Variants in TRNP1 observed in about 807,000 individuals in gnomAD.
TRNP1 encodes TMF-regulated nuclear protein 1.
A neutral mutation model predicts 12.2 loss-of-function variants in TRNP1; 16 were observed. The observed-to-expected ratio is 1.31, with a 90% confidence interval of 0.89 to 1.99. The LOEUF (loss-of-function observed/expected upper bound fraction) is 1.99. TRNP1 is among the 30% of genes most tolerant of loss of function. The pLI, the probability that TRNP1 is intolerant of heterozygous loss-of-function variation, is 0.00. For synonymous variants in TRNP1, 139 were observed against 166.2 expected, an observed-to-expected ratio of 0.84 and a Z score of 1.26; for missense variants, 338 against 330.4, an observed-to-expected ratio of 1.02 and a Z score of -0.18.
rs563859463 is a variant in TRNP1, at chr1:26,999,316, G to A, written c.*143-531G>A. 2.6e-5 allele frequency among the ~76,000 whole-genome samples: 4 copies of A among 152,322 alleles called. No individual in the cohort carries two copies. The East Asian group carries it at 5.8e-4, about 22-fold the overall frequency. On this transcript the variant is annotated intron_variant, in intron 1 of 1. Coordinates refer to ENST00000522111, the MANE Select transcript of TRNP1 (RefSeq NM_001013642.3). ...GGAGAATCGCTTGAACCTGGGAGGC[G>A]GAGGTTGCGGTGAGCCGAAATCGCG... is the stretch of plus-strand genomic sequence containing the variant.
Position 26,997,319 on chromosome 1 carries a change from A to G in TRNP1, c.*143-2528A>G, listed in dbSNP as rs545741451. On this transcript the variant is annotated intron_variant, in intron 1 of 1. Transcript: ENST00000522111. ...CAACAGAGCAAGACTGTGTCTCAAG[A>G]AAAAAAAAAAAAAAAAAAAAAGCTC... Among the ~76,000 whole-genome samples, 62 of 42,792 alleles carry G rather than the reference A, an allele frequency of 1.4e-3. 1 individual carries two copies. In the South Asian group the frequency reaches 0.15, roughly 105 times the overall value. The allele number at this position is 42,792 out of a possible 152,430, so 28.1% of individuals were successfully genotyped here. A position where few individuals can be genotyped will look rare whatever the true frequency, so the allele number is the denominator to read the frequency against.
rs1331917864 is a variant in TRNP1 at position 26,993,777 on chromosome 1, G to C, written c.-10G>C. ...ACCTACAGCCGCAGACCGCCGGTGG[G>C]GGGCGGGGGATGCCGGGCTGCCGCA... On this transcript the variant is annotated 5_prime_UTR_variant, in exon 1 of 2. Coordinates refer to ENST00000522111, the MANE Select transcript of TRNP1 (RefSeq NM_001013642.3). 4.6e-6 allele frequency: 6 copies of C among 1,313,430 alleles called. No homozygotes were observed. The East Asian group carries it at 1.5e-4, about 34-fold the overall frequency. 81.4% of individuals were successfully genotyped at this position (1,313,430 alleles called of 1,614,324 possible). A position where few individuals can be genotyped will look rare whatever the true frequency, so the allele number is the denominator to read the frequency against.
chr1:26,998,647 C>T (rs575690794), intron 1 of TRNP1, among the ~76,000 whole-genome samples: 46 of 152,310 alleles, frequency 3.0e-4, no homozygotes, highest in Non-Finnish European at 5.9e-4. Flanking sequence ...TCCTTGACTG[C>T]ACCCTGGCCA....
chr1:26,998,237 G>A (rs1258684190), intron 1 of TRNP1, among the ~76,000 whole-genome samples: 1 of 152,044 alleles, frequency 6.6e-6, no homozygotes, highest in East Asian at 1.9e-4. Flanking sequence ...AAAGGGGGGA[G>A]CAAAGGAAGC....
Position 26,993,810 on chromosome 1 carries a change from C to T in TRNP1, c.24C>T (p.Ala8=). 2 of 1,322,914 alleles carry T rather than the reference C, an allele frequency of 1.5e-6. No homozygotes were observed. Among genetic ancestry groups the T allele is most frequent in the Non-Finnish European group, 1.9e-6 (2 of 1,039,336 alleles). 81.9% of individuals were successfully genotyped at this position (1,322,914 alleles called of 1,614,324 possible). A position where few individuals can be genotyped will look rare whatever the true frequency, so the allele number is the denominator to read the frequency against. Residue 8 remains alanine (A), a synonymous_variant, in exon 1 of 2, where the codon GCC becomes GCT. Coordinates refer to ENST00000522111, the MANE Select transcript of TRNP1 (RefSeq NM_001013642.3). ...GGATGCCGGGCTGCCGCATCAGCGCCTGCGGCCCGGGGGCCCAGGAGGGGA... is the reference window on the plus strand; with the variant it reads ...GGATGCCGGGCTGCCGCATCAGCGCTTGCGGCCCGGGGGCCCAGGAGGGGA... MPGCRIS[A]CGPGAQEGTA...
At position 26,993,857 on chromosome 1, in the gene TRNP1, C is replaced by T. The variant is rs546570137; in HGVS notation, c.71C>T (p.Pro24Leu). Reference sequence around the variant, plus strand: ...GGGACGGCAGAGCAGAGGTCGCCGCCGCCGCCCTGGGATCCCATGCCGTCC... The same window carrying T: ...GGGACGGCAGAGCAGAGGTCGCCGCTGCCGCCCTGGGATCCCATGCCGTCC... Reference protein sequence around the residue: ...QEGTAEQRSPPPPWDPMPSSQ... With the variant: ...QEGTAEQRSPLPPWDPMPSSQ... The change falls in exon 1 of 2, where the codon CCG becomes CTG. Residue 24 changes from proline (P) to leucine (L), a missense_variant. Coordinates refer to ENST00000522111, the MANE Select transcript of TRNP1 (RefSeq NM_001013642.3). 1.5e-6 allele frequency: 2 copies of T among 1,357,814 alleles called. No homozygotes were observed. Among genetic ancestry groups the T allele is most frequent in the African/African-American group, 1.5e-5 (1 of 65,362 alleles). 84.1% of individuals were successfully genotyped at this position (1,357,814 alleles called of 1,614,324 possible). A position where few individuals can be genotyped will look rare whatever the true frequency, so the allele number is the denominator to read the frequency against.
rs999314195 is a variant in TRNP1, at chr1:26,993,890, C to T, written c.104C>T (p.Pro35Leu). The T allele has an allele frequency of 3.9e-5, 54 of 1,374,768 alleles. No individual in the cohort carries two copies. The highest frequency in any genetic ancestry group is 4.7e-4 in the Middle Eastern group (2 of 4,262). The allele number at this position is 1,374,768 out of a possible 1,614,324, so 85.2% of individuals were successfully genotyped here. A position where few individuals can be genotyped will look rare whatever the true frequency, so the allele number is the denominator to read the frequency against. The change falls in exon 1 of 2, where the codon CCC becomes CTC. Residue 35 changes from proline to leucine, a missense_variant. By Grantham distance (98) the Pro-to-Leu change is moderately conservative (BLOSUM62 -3). Transcript: ENST00000522111. ...TGGGATCCCATGCCGTCCTCTCAGC[C>T]CCCGCCCCCAACTCCGACCTTGACT... is the stretch of plus-strand genomic sequence containing the variant. ...PPWDPMPSSQPPPPTPTLTPT... is the reference protein window; with the variant it reads ...PPWDPMPSSQLPPPTPTLTPT...
At position 26,994,591 on chromosome 1, in the gene TRNP1, G is replaced by C; in HGVS notation, c.*121G>C. On this transcript the variant is annotated 3_prime_UTR_variant, in exon 1 of 2. Coordinates refer to ENST00000522111, the MANE Select transcript of TRNP1 (RefSeq NM_001013642.3). The surrounding 1 kb of genome is among the most constrained non-coding windows in gnomAD (Gnocchi z 6.9). ...GCAGGAAGAGGCAGTTGGGGGCCAG[G>C]GGCCCAGTAGAGGAGGCTGAGGTGC... 1.3e-6 allele frequency: 1 copy of C among 758,274 alleles called. No individual in the cohort carries two copies. Among genetic ancestry groups the C allele is most frequent in the Non-Finnish European group, 1.6e-6 (1 of 609,234 alleles). 47.0% of individuals were successfully genotyped at this position (758,274 alleles called of 1,614,324 possible). A position where few individuals can be genotyped will look rare whatever the true frequency, so the allele number is the denominator to read the frequency against.
chr1:26,996,410 G>C (rs2082545634), intron 1 of TRNP1, among the ~76,000 whole-genome samples: 1 of 152,200 alleles, frequency 6.6e-6, no homozygotes, highest in African/African-American at 2.4e-5. Flanking sequence ...CTGGGGAAGG[G>C]AGGTTCAGGA....
At chr1:26,997,562 T>C (rs527381404) in intron 1 of TRNP1, among the ~76,000 whole-genome samples, 1 of 152,136 alleles carries the variant, frequency 6.6e-6, no homozygotes, top group African/African-American at 2.4e-5. Flanking sequence ...GACCCACCCC[T>C]TTTCCCCACA....
At chr1:26,995,227 C>T (rs2082539639) in intron 1 of TRNP1, among the ~76,000 whole-genome samples, 1 of 152,258 alleles carries the variant, frequency 6.6e-6, no homozygotes, top group East Asian at 1.9e-4. Flanking sequence ...GACAGGATGT[C>T]TGGCACCTGC....
In TRNP1 at chr1:26,993,941, C is replaced by T. The variant is rs2082531015; in HGVS notation, c.155C>T (p.Pro52Leu). The T allele has an allele frequency of 3.7e-6, 5 of 1,345,422 alleles. No homozygotes were observed. The highest frequency in any genetic ancestry group is 3.9e-5 in the Admixed American group (1 of 25,328). 83.3% of individuals were successfully genotyped at this position (1,345,422 alleles called of 1,614,324 possible). The stretch of plus-strand genomic sequence containing the variant: ...CCTACCCCGACCCCGGGTCAGTCCC[C>T]GCCGCTGCCGGACGCAGCTGGGGCT... ...LTPTPTPGQS[P>L]PLPDAAGASA... The change falls in exon 1 of 2, where the codon CCG becomes CTG. Residue 52 changes from proline to leucine, a missense_variant. Physicochemically the swap from Pro to Leu is moderately conservative, Grantham distance 98. Transcript: ENST00000522111.
At chr1:26,995,609 T>TC (rs2082541322) in intron 1 of TRNP1, among the ~76,000 whole-genome samples, 1 of 152,204 alleles carries the variant, frequency 6.6e-6, no homozygotes, top group African/African-American at 2.4e-5. Flanking sequence ...CCTCACTAAA[T>TC]CATGGAAAGA....
chr1:26,993,768 C>G lies in TRNP1; in HGVS notation c.-19C>G, dbSNP rs1167149528. The G allele has an allele frequency of 1.6e-6, 2 of 1,275,230 alleles. No individual in the cohort carries two copies. Among genetic ancestry groups the G allele is most frequent in the African/African-American group, 1.7e-5 (1 of 58,862 alleles). The allele number at this position is 1,275,230 out of a possible 1,614,324, so 79.0% of individuals were successfully genotyped here. On this transcript the variant is annotated 5_prime_UTR_variant, in exon 1 of 2. Coordinates refer to ENST00000522111, the MANE Select transcript of TRNP1 (RefSeq NM_001013642.3). The stretch of plus-strand genomic sequence containing the variant: ...TCCCTGCGCACCTACAGCCGCAGAC[C>G]GCCGGTGGGGGGCGGGGGATGCCGG...
At chr1:26,999,524 TC>T (rs1435810423) in intron 1 of TRNP1, among the ~76,000 whole-genome samples, 1 of 152,172 alleles carries the variant, frequency 6.6e-6, no homozygotes, top group Non-Finnish European at 1.5e-5. Context: ...AGCGTGGGCC[TC>T]TGCTTCTCTA....
At chr1:26,998,525 C>T (rs564228474) in intron 1 of TRNP1, among the ~76,000 whole-genome samples, 3 of 152,230 alleles carry the variant, frequency 2.0e-5, no homozygotes, top group South Asian at 4.1e-4. Context: ...AAGAACAACT[C>T]GGGTGCTTAG....
At position 26,994,206 on chromosome 1, in the gene TRNP1, C is replaced by A; in HGVS notation, c.420C>A (p.Arg140=). Residue 140 remains arginine, a synonymous_variant, in exon 1 of 2, where the codon CGC becomes CGA. Coordinates refer to ENST00000522111, the MANE Select transcript of TRNP1 (RefSeq NM_001013642.3). This position sits in a 1 kb window ranked among gnomAD's most constrained non-coding sequence, Gnocchi z 6.9. ...GCGTTTTCTTGGCGGCCGAGCTGCGCCTGGCGCACCGCGCGGAGAGCCTGA... is the reference window on the plus strand; with the variant it reads ...GCGTTTTCTTGGCGGCCGAGCTGCGACTGGCGCACCGCGCGGAGAGCCTGA... ...LHRVFLAAEL[R]LAHRAESLSR... is the part of the protein sequence containing the mutation. 7.8e-7 allele frequency: 1 copy of A among 1,286,220 alleles called. No individual in the cohort carries two copies. The allele number at this position is 1,286,220 out of a possible 1,614,324, so 79.7% of individuals were successfully genotyped here.
rs1178081557 is a variant in TRNP1, at chr1:27,000,231, C to T, written c.*527C>T. ...TCAAGATATCGTCATCATTCTTAAA[C>T]AACATTCTTAACCCCCAGCTGGGGT... On this transcript the variant is annotated 3_prime_UTR_variant, in exon 2 of 2. Coordinates refer to ENST00000522111, the MANE Select transcript of TRNP1 (RefSeq NM_001013642.3). 2.0e-5 allele frequency: 3 copies of T among 152,172 alleles called. No homozygotes were observed. Among genetic ancestry groups the T allele is most frequent in the Non-Finnish European group, 4.4e-5 (3 of 68,048 alleles). The allele number at this position is 152,172 out of a possible 1,614,324, so 9.4% of individuals were successfully genotyped here.
chr1:26,994,395 G>GCGCGGC lies in TRNP1; in HGVS notation c.611_616dup (p.Arg204_Gly205dup), dbSNP rs937882366. Reference sequence around the variant, plus strand: ...TGCCCTGGGGTGCCGGGCGACTGCGGCGCGGCCACGGCCCCGAGCCCGACT... The same window carrying GCGCGGC: ...TGCCCTGGGGTGCCGGGCGACTGCGGCGCGGCCGCGGCCACGGCCCCGAGCCCGACT... On this transcript the variant is annotated inframe_insertion, in exon 1 of 2. Coordinates refer to ENST00000522111, the MANE Select transcript of TRNP1 (RefSeq NM_001013642.3). This position sits in a 1 kb window ranked among gnomAD's most constrained non-coding sequence, Gnocchi z 6.9. 3 of 1,125,840 alleles carry GCGCGGC rather than the reference G, an allele frequency of 2.7e-6. No individual in the cohort carries two copies. In the African/African-American group the frequency reaches 5.0e-5, roughly 19 times the overall value. The allele number at this position is 1,125,840 out of a possible 1,614,324, so 69.7% of individuals were successfully genotyped here. A position where few individuals can be genotyped will look rare whatever the true frequency, so the allele number is the denominator to read the frequency against.
Sources: gnomAD v4.1 joint callset for allele counts (sites outside exome capture counted in the v4.1 genomes callset) on GRCh38, gnomAD v4.1.1 for gene constraint, Gnocchi (gnomAD v3.1) non-coding constraint, MANE v1.5 for transcripts, NCBI Gene and HGNC (gene_info 2026-07-23, HGNC 2026-07-21) for gene names.